Variants in PIK3C2A observed in about 807,000 individuals in gnomAD.
PIK3C2A encodes phosphatidylinositol-4-phosphate 3-kinase catalytic subunit type 2 alpha.
In PIK3C2A, 97 loss-of-function variants were observed where a neutral mutation model predicts 204.5. That is an observed-to-expected ratio of 0.47 (90% confidence interval 0.40 to 0.56). The LOEUF is 0.56. Among genes scored for constraint, PIK3C2A ranks in the 20% least tolerant of loss-of-function variants. PIK3C2A has a pLI of 0.00. For synonymous variants in PIK3C2A, 653 were observed against 664.4 expected (o/e 0.98, Z 0.26); for missense variants, 1,735 against 1,969.2 (o/e 0.88, Z 2.25).
intron 24 of PIK3C2A, among the ~76,000 whole-genome samples, chr11:17,102,132 C>T (rs1243592386): frequency 2.0e-5 from 3 of 151,986 alleles, no homozygotes; most frequent in Non-Finnish European, 4.4e-5. Flanking sequence ...ATATATGTCC[C>T]TTAATTCATT....
In PIK3C2A at chr11:17,145,799, A is replaced by G. The variant is rs914135001; in HGVS notation, c.1640+64T>C. ...CAAAATGATTGTTTTCATCACCAAA[A>G]TAAGTGTATTTGCATCCAAAAACAA... On this transcript the variant is annotated intron_variant, in intron 7 of 32. Coordinates refer to ENST00000691414, the MANE Select transcript of PIK3C2A (RefSeq NM_002645.4). The G allele has an allele frequency of 4.5e-6, 7 of 1,548,406 alleles. No homozygotes were observed. The African/African-American group carries it at 5.4e-5, about 12-fold the overall frequency.
chr11:17,134,394 T>G lies in PIK3C2A; in HGVS notation c.2108+425A>C, dbSNP rs571846564. On this transcript the variant is annotated intron_variant, in intron 11 of 32. Transcript: ENST00000691414. ...TTTTTTTTTTTTAATGGAGTTTAGCTCTTGTTGACAAGGCTGGAGTGCAAT... is the reference window on the plus strand; with the variant it reads ...TTTTTTTTTTTTAATGGAGTTTAGCGCTTGTTGACAAGGCTGGAGTGCAAT... Among the ~76,000 whole-genome samples the G allele has an allele frequency of 8.4e-4, 128 of 151,550 alleles. 1 individual carries two copies. Among genetic ancestry groups the G allele is most frequent in the African/African-American group, 3.0e-3 (123 of 41,320 alleles).
intron 1 of PIK3C2A, among the ~76,000 whole-genome samples, chr11:17,179,537 A>C (rs1430542200): frequency 6.6e-6 from 1 of 152,124 alleles, no homozygotes; most frequent in East Asian, 1.9e-4. Context: ...TAATTACCTT[A>C]ATATTCTAGA....
chr11:17,193,193 A>C (rs1352672366), intron 1 of PIK3C2A, among the ~76,000 whole-genome samples: 2 of 152,222 alleles, frequency 1.3e-5, no homozygotes, highest in Admixed American at 1.3e-4. Flanking sequence ...ACTGTAAGCC[A>C]AATAAATTTA....
At chr11:17,143,531 T>C (rs964136118) in intron 8 of PIK3C2A, among the ~76,000 whole-genome samples, 2 of 151,160 alleles carry the variant, frequency 1.3e-5, no homozygotes, top group Non-Finnish European at 2.9e-5. Context: ...GGCCAAACAG[T>C]AACAGCTTAG....
intron 1 of PIK3C2A, among the ~76,000 whole-genome samples, chr11:17,174,078 G>A (rs1419510302): frequency 2.0e-5 from 3 of 151,554 alleles, no homozygotes; most frequent in East Asian, 2.0e-4. Context: ...CACCTGCCTC[G>A]GCCTCCCAAA....
intron 2 of PIK3C2A, among the ~76,000 whole-genome samples, chr11:17,157,459 C>A (rs1292504928): frequency 7.9e-3 from 784 of 99,148 alleles, no homozygotes; most frequent in East Asian, 0.032. Context: ...GACTCTGTCT[C>A]AAAAAAAAAA....
At chr11:17,194,844 G>C (rs1454573512) in intron 1 of PIK3C2A, among the ~76,000 whole-genome samples, 2 of 151,294 alleles carry the variant, frequency 1.3e-5, no homozygotes, top group Non-Finnish European at 2.9e-5. Flanking sequence ...AGGAGGCAGA[G>C]GATGCAGTGA....
intron 27 of PIK3C2A, among the ~76,000 whole-genome samples, chr11:17,095,784 G>A (rs1164986810): frequency 4.0e-5 from 6 of 151,180 alleles, no homozygotes; most frequent in Non-Finnish European, 4.4e-5. Context: ...GTGTGCTGGC[G>A]CATGCCTGTA....
chr11:17,175,765 TA>T (rs1851314809), intron 1 of PIK3C2A, among the ~76,000 whole-genome samples: 1 of 152,188 alleles, frequency 6.6e-6, no homozygotes, highest in Admixed American at 6.5e-5. Context: ...AGAATTAATT[TA>T]AAAGTTCTTG....
intron 24 of PIK3C2A, among the ~76,000 whole-genome samples, chr11:17,102,322 A>G (rs1464570113): frequency 1.3e-5 from 2 of 152,160 alleles, no homozygotes; most frequent in African/African-American, 2.4e-5. Flanking sequence ...CTGTAGTCCC[A>G]GCTACTCAGG....
At chr11:17,165,042 T>C (rs1565284748) in intron 2 of PIK3C2A, among the ~76,000 whole-genome samples, 1 of 151,822 alleles carries the variant, frequency 6.6e-6, no homozygotes, top group Non-Finnish European at 1.5e-5. Context: ...GAACTAGGAG[T>C]GACCAATCTA....
At chr11:17,196,722 A>C (rs1852172923) in intron 1 of PIK3C2A, among the ~76,000 whole-genome samples, 1 of 151,962 alleles carries the variant, frequency 6.6e-6, no homozygotes, top group South Asian at 2.1e-4. Context: ...GGTACCGGCC[A>C]CCACGCTTGA....
At chr11:17,189,812 CAAAAAAAAAAA>C (rs759869051) in intron 1 of PIK3C2A, among the ~76,000 whole-genome samples, 3 of 60,360 alleles carry the variant, frequency 5.0e-5, no homozygotes, top group Non-Finnish European at 3.5e-5. Flanking sequence ...GGCTCTGTCT[CAAAAAAAAAAA>C]AAAAAAAAAA....
chr11:17,153,981 T>C (rs1395836663), intron 3 of PIK3C2A, among the ~76,000 whole-genome samples: 2 of 152,218 alleles, frequency 1.3e-5, no homozygotes, highest in African/African-American at 4.8e-5. Flanking sequence ...CTTACTGCTC[T>C]AGTATTTGTT....
At position 17,148,764 on chromosome 11, in the gene PIK3C2A, T is replaced by C. The variant is rs1464408138; in HGVS notation, c.1351A>G (p.Ile451Val). The C allele has an allele frequency of 3.1e-6, 5 of 1,611,838 alleles. No individual in the cohort carries two copies. The highest frequency in any genetic ancestry group is 4.2e-6 in the Non-Finnish European group (5 of 1,178,350). The change falls in exon 5 of 33, where the codon ATA becomes GTA. Residue 451 changes from isoleucine (I) to valine (V), a missense_variant. Transcript: ENST00000691414. ...TGTACCCAGCAAAGGGCTTGCATTA[T>C]AATGATTTCTACAGTAGAACTCACT... ...CDVSSTVEII[I>V]MQALCWVHDD... is the part of the protein sequence containing the mutation.
At chr11:17,106,586 T>C (rs1052338522) in intron 22 of PIK3C2A, among the ~76,000 whole-genome samples, 1 of 152,106 alleles carries the variant, frequency 6.6e-6, no homozygotes, top group East Asian at 1.9e-4. Flanking sequence ...CCCAACACCA[T>C]GCCCAGCTAA....
intron 2 of PIK3C2A, among the ~76,000 whole-genome samples, chr11:17,163,446 G>A (rs1850847315): frequency 6.6e-6 from 1 of 151,982 alleles, no homozygotes; most frequent in East Asian, 1.9e-4. Context: ...TGTAGCCTTG[G>A]CTGGAGTACA....
At chr11:17,108,672 A>ATAC in intron 22 of PIK3C2A, among the ~76,000 whole-genome samples, 1 of 152,130 alleles carries the variant, frequency 6.6e-6, no homozygotes, top group African/African-American at 2.4e-5. Flanking sequence ...GATGGCCAAG[A>ATAC]CATGGCTTAG....
Sources: allele counts gnomAD v4.1 joint callset (sites outside exome capture counted in the v4.1 genomes callset), GRCh38; gene constraint gnomAD v4.1.1; transcripts MANE v1.5; gene names NCBI Gene and HGNC (gene_info 2026-07-23, HGNC 2026-07-21).